NAB1: variants seen among roughly 807,000 people sequenced by gnomAD.
NAB1 encodes the protein NGFI-A binding protein 1.
NAB1 carries 25 observed loss-of-function variants against 49.9 expected under a neutral mutation model. The ratio of observed to expected loss-of-function variants is 0.50; its 90% CI spans 0.37 to 0.70. NAB1 has a LOEUF of 0.70. Ranked by LOEUF, NAB1 falls within the 30% of genes least tolerant of loss-of-function variation. The probability of loss-of-function intolerance (pLI) is 0.00; values close to 1 mark genes in which losing one functional copy is unlikely to be tolerated. For missense variants in NAB1, 489 were observed against 575.9 expected (o/e 0.85, Z 1.54); for synonymous variants, 198 against 215.6 (o/e 0.92, Z 0.71).
At position 190,674,952 on chromosome 2, in the gene NAB1, G is replaced by C. The variant is rs1429780117; in HGVS notation, c.1005+1800G>C. ...TAGCTCTGGAATAATGTTTAAGATG[G>C]TTAACTCAGAAAATGTTGAAATTAT... On this transcript the variant is annotated intron_variant, in intron 6 of 9. Coordinates refer to ENST00000337386, the MANE Select transcript of NAB1 (RefSeq NM_005966.4). The surrounding 1 kb of genome is among the most constrained non-coding windows in gnomAD (Gnocchi z 5.7). Among the ~76,000 whole-genome samples, 1 of 152,162 alleles carries C rather than the reference G, an allele frequency of 6.6e-6. No homozygotes were observed. The highest frequency in any genetic ancestry group is 1.9e-4 in the East Asian group (1 of 5,192).
chr2:190,666,315 C>T lies in NAB1; in HGVS notation c.820-4011C>T, dbSNP rs1325605657. On this transcript the variant is annotated intron_variant, in intron 4 of 9. Transcript: ENST00000337386. This position sits in a 1 kb window ranked among gnomAD's most constrained non-coding sequence, Gnocchi z 5.6. Reference sequence around the variant, plus strand: ...TGTTGGAGATTATAATTTTAACAACCTGTAAAGAAAGTTTTTTTAGGAATC... The same window carrying T: ...TGTTGGAGATTATAATTTTAACAACTTGTAAAGAAAGTTTTTTTAGGAATC... Among the ~76,000 whole-genome samples, 1 of 152,086 alleles carries T rather than the reference C, an allele frequency of 6.6e-6. No homozygotes were observed. Among genetic ancestry groups the T allele is most frequent in the African/African-American group, 2.4e-5 (1 of 41,398 alleles).
At chr2:190,650,178 A>C (rs998472929) in intron 2 of NAB1, among the ~76,000 whole-genome samples, 196 bp downstream of exon 2, 2 of 152,220 alleles carry the variant, frequency 1.3e-5, no homozygotes, top group Non-Finnish European at 2.9e-5. Context: ...CTTTGCAGCG[A>C]GTGATCGGGA....
chr2:190,659,169 C>G lies in NAB1; in HGVS notation c.-8C>G. ...TTTTTTTTTGGCAGGTTAAACCCAT[C>G]CAGAGTAATGGCTGCGGCCTTACCC... is the stretch of plus-strand genomic sequence containing the variant. On this transcript the variant is annotated 5_prime_UTR_variant, in exon 4 of 10. In the 5' UTR this introduces an upstream ATG that the reference lacks. Coordinates refer to ENST00000337386, the MANE Select transcript of NAB1 (RefSeq NM_005966.4). The surrounding 1 kb of genome is among the most constrained non-coding windows in gnomAD (Gnocchi z 6.2). 1.9e-6 allele frequency: 3 copies of G among 1,585,074 alleles called. No individual in the cohort carries two copies. Among genetic ancestry groups the G allele is most frequent in the Non-Finnish European group, 2.6e-6 (3 of 1,160,504 alleles).
rs1559249889 is a variant in NAB1 at position 190,682,252 on chromosome 2, A to T, written c.1006-1486A>T. Among the ~76,000 whole-genome samples, 1 of 152,222 alleles carries T rather than the reference A, an allele frequency of 6.6e-6. No individual in the cohort carries two copies. The highest frequency in any genetic ancestry group is 2.4e-5 in the African/African-American group (1 of 41,450). ...TTAGTAATTATTACATGCTGAAGGC[A>T]TTATCTCACTTGCTTTATCTCATTT... On this transcript the variant is annotated intron_variant, in intron 6 of 9. Transcript: ENST00000337386. The surrounding 1 kb of genome is among the most constrained non-coding windows in gnomAD (Gnocchi z 4.1).
Position 190,692,683 on chromosome 2 carries a change from C to T in NAB1, c.*2350C>T, listed in dbSNP as rs905893406. 6.6e-6 allele frequency: 1 copy of T among 152,620 alleles called. No homozygotes were observed. Among genetic ancestry groups the T allele is most frequent in the African/African-American group, 2.4e-5 (1 of 41,444 alleles). The allele number at this position is 152,620 out of a possible 1,614,324, so 9.5% of individuals were successfully genotyped here. A position where few individuals can be genotyped will look rare whatever the true frequency, so the allele number is the denominator to read the frequency against. On this transcript the variant is annotated 3_prime_UTR_variant, in exon 10 of 10. Transcript: ENST00000337386. This position sits in a 1 kb window ranked among gnomAD's most constrained non-coding sequence, Gnocchi z 5.2. ...CTTACACTTTATTGTGCGATGTCCACGTTTTTGTGACTCTTCAAGCTGTTG... is the reference window on the plus strand; with the variant it reads ...CTTACACTTTATTGTGCGATGTCCATGTTTTTGTGACTCTTCAAGCTGTTG...
rs75133706 is a variant in NAB1, at chr2:190,657,813, T to C, written c.-19-1345T>C. ...CAAAAGTCCCAAGTTCAGTGACTTC[T>C]TGGCTTTCAGGGACGTCCCAGTTAA... is the stretch of plus-strand genomic sequence containing the variant. On this transcript the variant is annotated intron_variant, in intron 3 of 9. Coordinates refer to ENST00000337386, the MANE Select transcript of NAB1 (RefSeq NM_005966.4). This position sits in a 1 kb window ranked among gnomAD's most constrained non-coding sequence, Gnocchi z 4.4. 4.2e-3 allele frequency among the ~76,000 whole-genome samples: 637 copies of C among 152,312 alleles called. 11 individuals carry two copies. The East Asian group carries it at 0.047, about 11-fold the overall frequency.
intron 4 of NAB1, among the ~76,000 whole-genome samples, chr2:190,664,585 C>CTTTTTTTTT: frequency 1.2e-5 from 1 of 80,094 alleles, no homozygotes; most frequent in Non-Finnish European, 2.5e-5. Flanking sequence ...TTTCTTCTTT[C>CTTTTTTTTT]CTTTTTTTTT....
chr2:190,660,792 T>C (rs771799368), intron 4 of NAB1, among the ~76,000 whole-genome samples: 1 of 152,216 alleles, frequency 6.6e-6, no homozygotes, highest in African/African-American at 2.4e-5. Flanking sequence ...TACTTATTTG[T>C]ATACTGGTCT....
rs754280875 is a variant in NAB1, at chr2:190,680,152, C to G, written c.1006-3586C>G. Among the ~76,000 whole-genome samples the G allele has an allele frequency of 2.8e-4, 42 of 152,368 alleles. No homozygotes were observed. Among genetic ancestry groups the G allele is most frequent in the Non-Finnish European group, 5.1e-4 (35 of 68,040 alleles). On this transcript the variant is annotated intron_variant, in intron 6 of 9. Transcript: ENST00000337386. The surrounding 1 kb of genome is among the most constrained non-coding windows in gnomAD (Gnocchi z 5.2). ...ACCCTGAACTCCCCTCCTCCGCGTA[C>G]ATTCTCCCCATCACATTCACATGTG...
rs927204767 is a variant in NAB1 at position 190,670,758 on chromosome 2, G to A, written c.953+299G>A. ...GTTTTGAGTGTGACGAGGGGATTTA[G>A]TCAGACAGCATTTATAGACGTATTT... On this transcript the variant is annotated intron_variant, in intron 5 of 9. Coordinates refer to ENST00000337386, the MANE Select transcript of NAB1 (RefSeq NM_005966.4). This position sits in a 1 kb window ranked among gnomAD's most constrained non-coding sequence, Gnocchi z 5.3. Among the ~76,000 whole-genome samples the A allele has an allele frequency of 3.3e-5, 5 of 152,170 alleles. No homozygotes were observed. Among genetic ancestry groups the A allele is most frequent in the African/African-American group, 1.2e-4 (5 of 41,436 alleles).
In NAB1 at chr2:190,684,489, A is replaced by T. The variant is rs905949730; in HGVS notation, c.1095+662A>T. On this transcript the variant is annotated intron_variant, in intron 7 of 9. Coordinates refer to ENST00000337386, the MANE Select transcript of NAB1 (RefSeq NM_005966.4). The surrounding 1 kb of genome is among the most constrained non-coding windows in gnomAD (Gnocchi z 4.6). ...TACATTTTTTACCTCAGATATGCTT[A>T]TTTAAATTTTGTCAATTTAGTAACA... Among the ~76,000 whole-genome samples, 3 of 152,102 alleles carry T rather than the reference A, an allele frequency of 2.0e-5. No individual in the cohort carries two copies. The highest frequency in any genetic ancestry group is 7.2e-5 in the African/African-American group (3 of 41,430).
At position 190,670,225 on chromosome 2, in the gene NAB1, A is replaced by G; in HGVS notation, c.820-101A>G. The G allele has an allele frequency of 1.8e-6, 2 of 1,083,788 alleles. No individual in the cohort carries two copies. Among genetic ancestry groups the G allele is most frequent in the Non-Finnish European group, 2.6e-6 (2 of 772,232 alleles). 67.1% of individuals were successfully genotyped at this position (1,083,788 alleles called of 1,614,324 possible). A position where few individuals can be genotyped will look rare whatever the true frequency, so the allele number is the denominator to read the frequency against. On this transcript the variant is annotated intron_variant, in intron 4 of 9. Transcript: ENST00000337386. The surrounding 1 kb of genome is among the most constrained non-coding windows in gnomAD (Gnocchi z 5.3). Reference sequence around the variant, plus strand: ...TCTGATTTTTATGAATAATGATTCCATTATATAATGGTGTAACATTCTTAT... The same window carrying G: ...TCTGATTTTTATGAATAATGATTCCGTTATATAATGGTGTAACATTCTTAT...
In NAB1 at chr2:190,649,897, G is replaced by A. The variant is rs943474853; in HGVS notation, c.-282G>A. The A allele has an allele frequency of 2.0e-5, 3 of 152,238 alleles. No individual in the cohort carries two copies. The highest frequency in any genetic ancestry group is 4.4e-5 in the Non-Finnish European group (3 of 68,070). The allele number at this position is 152,238 out of a possible 1,614,324, so 9.4% of individuals were successfully genotyped here. A position where few individuals can be genotyped will look rare whatever the true frequency, so the allele number is the denominator to read the frequency against. The stretch of plus-strand genomic sequence containing the variant: ...GCTTACAGAAACTTGGCGCTGAGGT[G>A]CAGGGAAGCCAGAAACTCTTTGTGT... On this transcript the variant is annotated 5_prime_UTR_variant, in exon 2 of 10. Transcript: ENST00000337386. This position sits in a 1 kb window ranked among gnomAD's most constrained non-coding sequence, Gnocchi z 6.1.
intron 6 of NAB1, among the ~76,000 whole-genome samples, chr2:190,673,591 A>C (rs1694928478): frequency 6.6e-6 from 1 of 152,190 alleles, no homozygotes; most frequent in African/African-American, 2.4e-5. Flanking sequence ...CAGATTTAAA[A>C]CTTCACGGGT....
rs1463738672 is a variant in NAB1, at chr2:190,682,143, A to T, written c.1006-1595A>T. On this transcript the variant is annotated intron_variant, in intron 6 of 9. Transcript: ENST00000337386. This position sits in a 1 kb window ranked among gnomAD's most constrained non-coding sequence, Gnocchi z 4.1. ...GGAATACCAAGTATAAAATGGAAGTAATTTAAGTTGAAGTTTTATCCAGTG... is the reference window on the plus strand; with the variant it reads ...GGAATACCAAGTATAAAATGGAAGTTATTTAAGTTGAAGTTTTATCCAGTG... Among the ~76,000 whole-genome samples, 1 of 152,222 alleles carries T rather than the reference A, an allele frequency of 6.6e-6. No homozygotes were observed. Among genetic ancestry groups the T allele is most frequent in the Non-Finnish European group, 1.5e-5 (1 of 68,032 alleles).
intron 3 of NAB1, among the ~76,000 whole-genome samples, chr2:190,656,823 G>C (rs1197617295): frequency 1.3e-5 from 2 of 152,074 alleles, no homozygotes; most frequent in Non-Finnish European, 2.9e-5. Flanking sequence ...AGATTTAAAA[G>C]TATTTTTCCA....
chr2:190,664,502 C>T (rs558733707), intron 4 of NAB1, among the ~76,000 whole-genome samples: 1 of 151,302 alleles, frequency 6.6e-6, no homozygotes, highest in East Asian at 1.9e-4. Context: ...GCCACCACAC[C>T]TAGCTAATTT....
chr2:190,672,122 T>C (rs899699868), intron 5 of NAB1, among the ~76,000 whole-genome samples: 1 of 152,278 alleles, frequency 6.6e-6, no homozygotes, highest in South Asian at 2.1e-4. Flanking sequence ...TTAACACTTT[T>C]ACATAATTTA....
intron 4 of NAB1, among the ~76,000 whole-genome samples, chr2:190,665,822 C>T (rs1694487211): frequency 6.6e-6 from 1 of 152,128 alleles, no homozygotes; most frequent in South Asian, 2.1e-4. Context: ...ATTTTCTTTG[C>T]ATTCTCCTGG....
Sources: gnomAD v4.1 joint callset for allele counts (sites outside exome capture counted in the v4.1 genomes callset) on GRCh38, gnomAD v4.1.1 for gene constraint, Gnocchi (gnomAD v3.1) non-coding constraint, MANE v1.5 for transcripts, NCBI Gene and HGNC (gene_info 2026-07-23, HGNC 2026-07-21) for gene names.